STYXL1: variants seen among roughly 807,000 people sequenced by gnomAD.
The protein encoded by STYXL1 is serine/threonine/tyrosine interacting like 1, also known as serine/threonine/tyrosine-interacting-like protein 1.
Under a neutral mutation model 36.4 loss-of-function variants are expected in STYXL1, and 32 were observed. That is an observed-to-expected ratio of 0.88 (90% CI 0.66 to 1.18). STYXL1 has a LOEUF of 1.18. Ranked by LOEUF, STYXL1 falls within the 50% of genes most tolerant of loss-of-function variation. STYXL1 has a pLI of 0.00. For missense variants in STYXL1, 354 were observed against 394.1 expected, an observed-to-expected ratio of 0.90 and a Z score of 0.86; for synonymous variants, 133 against 144.1, an observed-to-expected ratio of 0.92 and a Z score of 0.55.
chr7:76,002,408 TGAA>T (rs1791067446), intron 7 of STYXL1, among the ~76,000 whole-genome samples: 1 of 152,302 alleles, frequency 6.6e-6, no homozygotes, highest in South Asian at 2.1e-4. Flanking sequence ...CTGCCAGGGC[TGAA>T]GAAGGACGCA....
intron 8 of STYXL1, chr7:76,000,421 C>T (rs1172129158): frequency 4.4e-6 from 2 of 456,662 alleles, no homozygotes; most frequent in Non-Finnish European, 8.8e-6. Flanking sequence ...CTGTGACAGG[C>T]AGGGCAGGCC....
intron 3 of STYXL1, among the ~76,000 whole-genome samples, chr7:76,023,067 C>T (rs1794272091): frequency 6.6e-6 from 1 of 152,158 alleles, no homozygotes; most frequent in Non-Finnish European, 1.5e-5. Flanking sequence ...CAGGGTAAGG[C>T]AAAGATGCAG....
intron 4 of STYXL1, among the ~76,000 whole-genome samples, chr7:76,021,285 G>A (rs1434797870): frequency 1.3e-5 from 2 of 151,986 alleles, no homozygotes; most frequent in African/African-American, 4.8e-5. Context: ...GTTTCACCGT[G>A]TTAGCCAAGA....
At chr7:76,040,179 A>C (rs1327042327) in intron 1 of STYXL1, among the ~76,000 whole-genome samples, 1 of 152,138 alleles carries the variant, frequency 6.6e-6, no homozygotes, top group Non-Finnish European at 1.5e-5. Flanking sequence ...ACTACAGCAC[A>C]GTCTCCAAAG....
chr7:76,006,149 G>C (rs1409219772), intron 5 of STYXL1, among the ~76,000 whole-genome samples: 2 of 152,074 alleles, frequency 1.3e-5, no homozygotes, highest in African/African-American at 4.8e-5. Flanking sequence ...ATAGCTCGCT[G>C]CAGTCTTATC....
intron 2 of STYXL1, among the ~76,000 whole-genome samples, chr7:76,029,922 C>T (rs1554578743): frequency 1.3e-5 from 2 of 152,160 alleles, no homozygotes; most frequent in African/African-American, 4.8e-5. Context: ...ACCTGCTGCT[C>T]ACCTCCTGCT....
At chr7:76,047,478 C>T (rs1409775007) in intron 1 of STYXL1, among the ~76,000 whole-genome samples, 184 bp downstream of exon 1, 1 of 152,152 alleles carries the variant, frequency 6.6e-6, no homozygotes, top group African/African-American at 2.4e-5. Context: ...AACCTATTTG[C>T]TCATCTGGAA....
At chr7:76,002,565 G>A (rs1791085850) in intron 7 of STYXL1, among the ~76,000 whole-genome samples, 1 of 152,162 alleles carries the variant, frequency 6.6e-6, no homozygotes. Context: ...TCTCGAGGTG[G>A]GACACATGGG....
intron 1 of STYXL1, among the ~76,000 whole-genome samples, chr7:76,041,379 T>C (rs1554582132): frequency 6.6e-6 from 1 of 151,958 alleles, no homozygotes; most frequent in African/African-American, 2.4e-5. Context: ...GGAGGGTGTG[T>C]TATGGTTTGA....
intron 6 of STYXL1, 132 bp from the exon 7 acceptor site, chr7:76,003,987 A>C (rs1554569181): frequency 5.6e-6 from 4 of 716,990 alleles, no homozygotes; most frequent in Non-Finnish European, 9.3e-6. Flanking sequence ...TGCACAGGTA[A>C]CTCAACCTCT....
intron 1 of STYXL1, chr7:76,046,064 T>C (rs1796925043): frequency 6.6e-6 from 1 of 152,230 alleles, no homozygotes. Flanking sequence ...GTCCCCTGAA[T>C]ACTGGCCTAT....
intron 1 of STYXL1, among the ~76,000 whole-genome samples, chr7:76,038,663 T>C (rs1796183267): frequency 6.6e-6 from 1 of 151,850 alleles, no homozygotes. Context: ...CCTGACCTCA[T>C]GATCCACCTG....
At chr7:76,022,044 C>G in intron 3 of STYXL1, 52 bp from the exon 4 acceptor site, 1 of 1,582,014 alleles carries the variant, frequency 6.3e-7, no homozygotes, top group Non-Finnish European at 8.5e-7. Context: ...TGGGCAGGTT[C>G]GGTTGAGCAG....
chr7:76,031,268 T>A (rs1266593818), intron 1 of STYXL1, among the ~76,000 whole-genome samples: 3 of 124,680 alleles, frequency 2.4e-5, no homozygotes, highest in Admixed American at 1.0e-4. Context: ...GAGGCAGAGG[T>A]TGCAGTGAGC....
At chr7:76,040,963 A>T (rs1208900402) in intron 1 of STYXL1, among the ~76,000 whole-genome samples, 1 of 152,142 alleles carries the variant, frequency 6.6e-6, no homozygotes, top group Non-Finnish European at 1.5e-5. Context: ...AAAATGAGGA[A>T]AACTCCCAGG....
intron 7 of STYXL1, among the ~76,000 whole-genome samples, chr7:76,003,539 G>A (rs903178455): frequency 4.6e-5 from 7 of 152,298 alleles, no homozygotes; most frequent in South Asian, 2.1e-4. Context: ...CACTGCCCCC[G>A]AGGTAAACAC....
chr7:76,046,287 T>G (rs1418730391), intron 1 of STYXL1, among the ~76,000 whole-genome samples: 1 of 8,504 alleles, frequency 1.2e-4, no homozygotes, highest in Non-Finnish European at 3.6e-4. Context: ...TGTGTGTGTG[T>G]GTGTGTGTGT....
chr7:76,046,335 T>TGCGC (rs1797046273), intron 1 of STYXL1, among the ~76,000 whole-genome samples: 1 of 19,018 alleles, frequency 5.3e-5, no homozygotes, highest in African/African-American at 2.0e-4. Flanking sequence ...TGTGTGTGTG[T>TGCGC]GTGTGCGCGC....
intron 5 of STYXL1, among the ~76,000 whole-genome samples, chr7:76,011,916 ATTGTT>A (rs782556463): frequency 4.6e-5 from 7 of 152,222 alleles, no homozygotes; most frequent in African/African-American, 1.7e-4. Context: ...GAATCTCAAA[ATTGTT>A]TTGTTTTGAC....
Sources: allele counts gnomAD v4.1 joint callset (sites outside exome capture counted in the v4.1 genomes callset), GRCh38; gene constraint gnomAD v4.1.1; transcripts MANE v1.5; gene names NCBI Gene and HGNC (gene_info 2026-07-23, HGNC 2026-07-21).